KIRREL3: variants seen among roughly 807,000 people sequenced by gnomAD.
KIRREL3 encodes the protein kin of IRRE-like protein 3.
Under a neutral mutation model 89.7 loss-of-function variants are expected in KIRREL3, and 36 were observed. The observed-to-expected ratio is 0.40, with a 90% confidence interval of 0.31 to 0.53. The LOEUF (loss-of-function observed/expected upper bound fraction) is 0.53, where lower values mean the gene tolerates loss of function less well. Ranked by LOEUF, KIRREL3 falls within the 20% of genes least tolerant of loss-of-function variation. The probability of loss-of-function intolerance (pLI) is 0.49; values close to 1 mark genes in which losing one functional copy is unlikely to be tolerated. For synonymous variants in KIRREL3, 445 were observed against 441.4 expected (o/e 1.01, Z -0.10); for missense variants, 864 against 1,056.6 (o/e 0.82, Z 2.53).
intron 1 of KIRREL3, among the ~76,000 whole-genome samples, chr11:126,592,942 A>AG: frequency 6.8e-6 from 1 of 147,364 alleles, no homozygotes; most frequent in Admixed American, 6.7e-5. Flanking sequence ...CTTTCCTGTG[A>AG]GGGGGCTAGG....
rs901197319 is a variant in KIRREL3, at chr11:126,837,161, T to G, written c.55+163294A>C. ...AAATCCAAGCTTGGTCTTTAACAAG[T>G]GTGTGGCCTTGGGTAAATGATAACT... is the stretch of plus-strand genomic sequence containing the variant. On this transcript the variant is annotated intron_variant, in intron 1 of 16. Transcript: ENST00000525144. This position sits in a 1 kb window ranked among gnomAD's most constrained non-coding sequence, Gnocchi z 4.7. 2.0e-5 allele frequency among the ~76,000 whole-genome samples: 3 copies of G among 152,120 alleles called. No individual in the cohort carries two copies. Among genetic ancestry groups the G allele is most frequent in the Non-Finnish European group, 2.9e-5 (2 of 68,030 alleles).
rs1007904638 is a variant in KIRREL3 at position 126,641,533 on chromosome 11, T to C, written c.56-78621A>G. Among the ~76,000 whole-genome samples, 1 of 151,662 alleles carries C rather than the reference T, an allele frequency of 6.6e-6. No individual in the cohort carries two copies. The highest frequency in any genetic ancestry group is 1.5e-5 in the Non-Finnish European group (1 of 67,838). On this transcript the variant is annotated intron_variant, in intron 1 of 16. Transcript: ENST00000525144. This position sits in a 1 kb window ranked among gnomAD's most constrained non-coding sequence, Gnocchi z 5.0. ...AAAATTGCTATTACCACCTAGACTG[T>C]GAGCAAATAACATTCTGGCCAGTGG...
chr11:126,469,157 A>T (rs1956812644), intron 5 of KIRREL3, among the ~76,000 whole-genome samples: 2 of 152,190 alleles, frequency 1.3e-5, no homozygotes, highest in Non-Finnish European at 1.5e-5. Flanking sequence ...AGGTGAGGTC[A>T]CGCAGCTGGA....
In KIRREL3 at chr11:126,742,247, G is replaced by A. The variant is rs755402853; in HGVS notation, c.56-179335C>T. 6.6e-6 allele frequency among the ~76,000 whole-genome samples: 1 copy of A among 152,168 alleles called. No individual in the cohort carries two copies. Among genetic ancestry groups the A allele is most frequent in the Admixed American group, 6.5e-5 (1 of 15,282 alleles). On this transcript the variant is annotated intron_variant, in intron 1 of 16. Transcript: ENST00000525144. This position sits in a 1 kb window ranked among gnomAD's most constrained non-coding sequence, Gnocchi z 5.3. Reference sequence around the variant, plus strand: ...TAAATGACTCAAAAACATATGGATGGCATTTCTTGAGGATTTCCCAGAGAG... The same window carrying A: ...TAAATGACTCAAAAACATATGGATGACATTTCTTGAGGATTTCCCAGAGAG...
At chr11:126,799,952 G>A (rs1379729382) in intron 1 of KIRREL3, among the ~76,000 whole-genome samples, 1 of 152,194 alleles carries the variant, frequency 6.6e-6, no homozygotes, top group Admixed American at 6.5e-5. Context: ...TCCAGCTGCT[G>A]TAGAATCATC....
At position 126,908,743 on chromosome 11, in the gene KIRREL3, T is replaced by C. The variant is rs1267691056; in HGVS notation, c.55+91712A>G. ...TTAAATATAATAGTTTCTGCTTTTATGGGGCCTATAGTCTAGGTAGGAAGA... is the reference window on the plus strand; with the variant it reads ...TTAAATATAATAGTTTCTGCTTTTACGGGGCCTATAGTCTAGGTAGGAAGA... On this transcript the variant is annotated intron_variant, in intron 1 of 16. Transcript: ENST00000525144. The surrounding 1 kb of genome is among the most constrained non-coding windows in gnomAD (Gnocchi z 4.2). Among the ~76,000 whole-genome samples, 2 of 152,154 alleles carry C rather than the reference T, an allele frequency of 1.3e-5. No homozygotes were observed. The highest frequency in any genetic ancestry group is 2.9e-5 in the Non-Finnish European group (2 of 68,022).
At chr11:126,584,528 G>T (rs574366876) in intron 1 of KIRREL3, among the ~76,000 whole-genome samples, 31 of 152,300 alleles carry the variant, frequency 2.0e-4, no homozygotes, top group African/African-American at 7.5e-4. Flanking sequence ...AGGCATGTGG[G>T]TATGACCGAG....
chr11:126,433,973 C>T (rs1050706494), intron 13 of KIRREL3, among the ~76,000 whole-genome samples: 2 of 152,224 alleles, frequency 1.3e-5, no homozygotes, highest in South Asian at 2.1e-4. Flanking sequence ...ACGCTGCTGA[C>T]GGCTGGGGGA....
Position 126,605,455 on chromosome 11 carries a change from G to T in KIRREL3, c.56-42543C>A, listed in dbSNP as rs1254274324. On this transcript the variant is annotated intron_variant, in intron 1 of 16. Transcript: ENST00000525144. This position sits in a 1 kb window ranked among gnomAD's most constrained non-coding sequence, Gnocchi z 5.7. ...GTGACTGCTGTGAAGTGGTGTGGGGGCTCAGGATGGGACCTACTTCATGGG... is the reference window on the plus strand; with the variant it reads ...GTGACTGCTGTGAAGTGGTGTGGGGTCTCAGGATGGGACCTACTTCATGGG... 2.0e-5 allele frequency among the ~76,000 whole-genome samples: 3 copies of T among 152,136 alleles called. No homozygotes were observed. Among genetic ancestry groups the T allele is most frequent in the Non-Finnish European group, 4.4e-5 (3 of 68,030 alleles).
In KIRREL3 at chr11:126,772,115, C is replaced by T. The variant is rs932098713; in HGVS notation, c.56-209203G>A. 6.6e-6 allele frequency among the ~76,000 whole-genome samples: 1 copy of T among 152,098 alleles called. No homozygotes were observed. The highest frequency in any genetic ancestry group is 6.6e-5 in the Admixed American group (1 of 15,260). ...CAGGGCAGAAGAACCAGTGTAGTCTCTCACTAATGTCTTAGCTCTGGTCTG... is the reference window on the plus strand; with the variant it reads ...CAGGGCAGAAGAACCAGTGTAGTCTTTCACTAATGTCTTAGCTCTGGTCTG... On this transcript the variant is annotated intron_variant, in intron 1 of 16. Transcript: ENST00000525144. This position sits in a 1 kb window ranked among gnomAD's most constrained non-coding sequence, Gnocchi z 4.6.
At position 126,620,597 on chromosome 11, in the gene KIRREL3, C is replaced by A. The variant is rs1298106114; in HGVS notation, c.56-57685G>T. On this transcript the variant is annotated intron_variant, in intron 1 of 16. Coordinates refer to ENST00000525144, the MANE Select transcript of KIRREL3 (RefSeq NM_032531.4). The surrounding 1 kb of genome is among the most constrained non-coding windows in gnomAD (Gnocchi z 4.8). ...CTCTCATTAAAGTCTCAAGCAGAGC[C>A]TCCTCCTTGAGAACCACTGCCCTAG... is the stretch of plus-strand genomic sequence containing the variant. Among the ~76,000 whole-genome samples, 1 of 152,120 alleles carries A rather than the reference C, an allele frequency of 6.6e-6. No individual in the cohort carries two copies. Among genetic ancestry groups the A allele is most frequent in the Non-Finnish European group, 1.5e-5 (1 of 68,002 alleles).
intron 1 of KIRREL3, among the ~76,000 whole-genome samples, chr11:126,618,513 C>A (rs911455977): frequency 6.6e-6 from 1 of 152,194 alleles, no homozygotes; most frequent in Non-Finnish European, 1.5e-5. Flanking sequence ...TGGCTCACTG[C>A]AAACTCCGCC....
At position 126,530,839 on chromosome 11, in the gene KIRREL3, T is replaced by A. The variant is rs996328315; in HGVS notation, c.134-4152A>T. Among the ~76,000 whole-genome samples the A allele has an allele frequency of 4.7e-5, 7 of 149,638 alleles. No individual in the cohort carries two copies. In the East Asian group the frequency reaches 9.7e-4, roughly 21 times the overall value. On this transcript the variant is annotated intron_variant, in intron 2 of 16. Transcript: ENST00000525144. The surrounding 1 kb of genome is among the most constrained non-coding windows in gnomAD (Gnocchi z 5.8). ...TTCCCATACTTTATTTTTATTTTTCTTTTTTTTTTGAGACGGAGTCTGACT... is the reference window on the plus strand; with the variant it reads ...TTCCCATACTTTATTTTTATTTTTCATTTTTTTTTGAGACGGAGTCTGACT...
rs573207608 is a variant in KIRREL3, at chr11:126,897,527, G to A, written c.55+102928C>T. On this transcript the variant is annotated intron_variant, in intron 1 of 16. Coordinates refer to ENST00000525144, the MANE Select transcript of KIRREL3 (RefSeq NM_032531.4). This position sits in a 1 kb window ranked among gnomAD's most constrained non-coding sequence, Gnocchi z 4.2. ...ACCACCCCCAAAAGGAGTAGAACAGGAAACCAGCTCCCACAGAGGGTTAAA... is the reference window on the plus strand; with the variant it reads ...ACCACCCCCAAAAGGAGTAGAACAGAAAACCAGCTCCCACAGAGGGTTAAA... 4.6e-5 allele frequency among the ~76,000 whole-genome samples: 7 copies of A among 152,228 alleles called. No individual in the cohort carries two copies. The South Asian group carries it at 6.2e-4, about 14-fold the overall frequency.
chr11:126,972,831 T>C (rs1565468185), intron 1 of KIRREL3, among the ~76,000 whole-genome samples: 1 of 152,080 alleles, frequency 6.6e-6, no homozygotes, highest in East Asian at 1.9e-4. Flanking sequence ...TGCACCTAGC[T>C]AAAAACAACT....
chr11:126,873,993 G>A (rs991374083), intron 1 of KIRREL3, among the ~76,000 whole-genome samples: 18 of 152,086 alleles, frequency 1.2e-4, no homozygotes, highest in Non-Finnish European at 2.4e-4. Context: ...GGTTTGCACC[G>A]TCAAGACAAA....
intron 1 of KIRREL3, among the ~76,000 whole-genome samples, chr11:126,882,769 T>C (rs1945552312): frequency 6.6e-6 from 1 of 152,216 alleles, no homozygotes; most frequent in South Asian, 2.1e-4. Flanking sequence ...TTTGATCCCA[T>C]GCTTGGACTG....
rs1483304605 is a variant in KIRREL3, at chr11:126,808,442, T to C, written c.55+192013A>G. On this transcript the variant is annotated intron_variant, in intron 1 of 16. Coordinates refer to ENST00000525144, the MANE Select transcript of KIRREL3 (RefSeq NM_032531.4). This position sits in a 1 kb window ranked among gnomAD's most constrained non-coding sequence, Gnocchi z 4.1. ...GCTCTGCTAAGATGTAGAGCAGTTA[T>C]TAAGGCCTTAAGATAAAGGCAGTTT... Among the ~76,000 whole-genome samples the C allele has an allele frequency of 6.6e-6, 1 of 152,136 alleles. No individual in the cohort carries two copies. Among genetic ancestry groups the C allele is most frequent in the Non-Finnish European group, 1.5e-5 (1 of 68,022 alleles).
chr11:126,709,651 A>G lies in KIRREL3; in HGVS notation c.56-146739T>C, dbSNP rs1412519891. The stretch of plus-strand genomic sequence containing the variant: ...TTGGACACAGAGGTACAGAGGGAAG[A>G]CCATGTGAAGATGAGGGAAGGCAGA... On this transcript the variant is annotated intron_variant, in intron 1 of 16. Transcript: ENST00000525144. This position sits in a 1 kb window ranked among gnomAD's most constrained non-coding sequence, Gnocchi z 4.0. Among the ~76,000 whole-genome samples the G allele has an allele frequency of 1.3e-5, 2 of 152,190 alleles. No homozygotes were observed. The highest frequency in any genetic ancestry group is 4.8e-5 in the African/African-American group (2 of 41,438).
Sources: allele counts gnomAD v4.1 joint callset (sites outside exome capture counted in the v4.1 genomes callset), GRCh38; gene constraint gnomAD v4.1.1; non-coding constraint Gnocchi (gnomAD v3.1); transcripts MANE v1.5; gene names NCBI Gene and HGNC (gene_info 2026-07-23, HGNC 2026-07-21).